ROR1: variants seen among roughly 807,000 people sequenced by gnomAD.
ROR1 encodes ROR family WNT receptor 1.
Under a neutral mutation model 78.8 loss-of-function variants are expected in ROR1, and 19 were observed. That is an observed-to-expected ratio of 0.24 (90% CI 0.17 to 0.35). The LOEUF (loss-of-function observed/expected upper bound fraction) is 0.35. Ranked by LOEUF, ROR1 falls within the 10% of genes least tolerant of loss-of-function variation. The pLI is 1.00. For synonymous variants in ROR1, 386 were observed against 433.6 expected (o/e 0.89, Z 1.36); for missense variants, 917 against 1,177.8 (o/e 0.78, Z 3.24).
intron 7 of ROR1, among the ~76,000 whole-genome samples, chr1:64,148,720 T>C (rs919340956): frequency 6.6e-6 from 1 of 152,198 alleles, no homozygotes; most frequent in African/African-American, 2.4e-5. Context: ...CAATCAAATA[T>C]GGCTGTTGTA....
intron 1 of ROR1, among the ~76,000 whole-genome samples, chr1:63,974,705 G>A (rs1454705489): frequency 1.3e-5 from 2 of 151,812 alleles, no homozygotes; most frequent in Non-Finnish European, 2.9e-5. Context: ...TGGTATGATC[G>A]TAGCCCACTG....
chr1:63,877,714 G>T (rs1645296925), intron 1 of ROR1, among the ~76,000 whole-genome samples: 1 of 152,000 alleles, frequency 6.6e-6, no homozygotes, highest in South Asian at 2.1e-4. Context: ...AAGGGATATT[G>T]ATTTTTAAAG....
intron 7 of ROR1, among the ~76,000 whole-genome samples, chr1:64,148,812 G>T (rs1408416): frequency 0.24 from 37,013 of 151,794 alleles, 5,114 homozygotes; most frequent in East Asian, 0.51. Flanking sequence ...GACAAAAGTT[G>T]GTTTGGGCAA....
intron 1 of ROR1, among the ~76,000 whole-genome samples, chr1:63,914,729 C>T (rs2100420966): frequency 6.6e-6 from 1 of 152,218 alleles, no homozygotes; most frequent in African/African-American, 2.4e-5. Flanking sequence ...CTTCAAGAAC[C>T]AGTTCAGAAG....
chr1:63,952,931 G>A (rs546468331), intron 1 of ROR1, among the ~76,000 whole-genome samples: 29 of 152,258 alleles, frequency 1.9e-4, no homozygotes, highest in African/African-American at 7.0e-4. Flanking sequence ...ACACTGCATA[G>A]CAAACACACT....
chr1:64,028,225 G>A (rs1256448705), intron 2 of ROR1, among the ~76,000 whole-genome samples: 1 of 152,184 alleles, frequency 6.6e-6, no homozygotes, highest in East Asian at 1.9e-4. Flanking sequence ...CACTCAACAA[G>A]CATTTGATGA....
At chr1:63,794,368 A>T (rs1423506730) in intron 1 of ROR1, among the ~76,000 whole-genome samples, 1 of 152,228 alleles carries the variant, frequency 6.6e-6, no homozygotes, top group Non-Finnish European at 1.5e-5. Flanking sequence ...ACCATGTTCC[A>T]GGTGAGGAAC....
At chr1:63,778,157 T>G (rs1430718756) in intron 1 of ROR1, among the ~76,000 whole-genome samples, 2 of 152,146 alleles carry the variant, frequency 1.3e-5, no homozygotes, top group Non-Finnish European at 2.9e-5. Flanking sequence ...TGTTATGAGA[T>G]TGAAGTGAGG....
At position 64,097,156 on chromosome 1, in the gene ROR1, C is replaced by G. The variant is rs1647330061; in HGVS notation, c.483-40213C>G. Among the ~76,000 whole-genome samples the G allele has an allele frequency of 4.0e-5, 6 of 148,432 alleles. No individual in the cohort carries two copies. In the Admixed American group the frequency reaches 4.1e-4, roughly 10 times the overall value. On this transcript the variant is annotated intron_variant, in intron 4 of 8. Coordinates refer to ENST00000371079, the MANE Select transcript of ROR1 (RefSeq NM_005012.4). Reference sequence around the variant, plus strand: ...GCCTCACTGGCCTAAAATTAAGGTTCCTTTTGGAGGCTCAAGGGGAGAATC... The same window carrying G: ...GCCTCACTGGCCTAAAATTAAGGTTGCTTTTGGAGGCTCAAGGGGAGAATC...
intron 2 of ROR1, among the ~76,000 whole-genome samples, chr1:64,026,476 A>C (rs1319740064): frequency 6.6e-6 from 1 of 152,174 alleles, no homozygotes; most frequent in East Asian, 1.9e-4. Flanking sequence ...TATGCTTCTA[A>C]ACTGTGTATG....
chr1:64,142,315 G>T, intron 6 of ROR1, 90 bp from the exon 7 acceptor site: 1 of 1,542,300 alleles, frequency 6.5e-7, no homozygotes, highest in South Asian at 1.2e-5. Context: ...TTAATTACCT[G>T]CCCTCCCCTC....
intron 1 of ROR1, among the ~76,000 whole-genome samples, chr1:63,938,147 GA>G (rs1044667510): frequency 1.3e-5 from 2 of 151,784 alleles, no homozygotes; most frequent in Non-Finnish European, 2.9e-5. Context: ...GAAAATATCA[GA>G]AAAAAAATGT....
At chr1:64,115,398 T>C (rs1034021298) in intron 4 of ROR1, among the ~76,000 whole-genome samples, 1 of 151,862 alleles carries the variant, frequency 6.6e-6, no homozygotes, top group Non-Finnish European at 1.5e-5. Flanking sequence ...AATTTTTATT[T>C]ATTTATTTAT....
intron 1 of ROR1, among the ~76,000 whole-genome samples, chr1:63,909,590 A>G (rs1645553946): frequency 6.6e-6 from 1 of 152,196 alleles, no homozygotes. Flanking sequence ...CAGAAACCTC[A>G]GTCCATCCAG....
At position 63,858,163 on chromosome 1, in the gene ROR1, T is replaced by C. The variant is rs186944001; in HGVS notation, c.91+83655T>C. On this transcript the variant is annotated intron_variant, in intron 1 of 8. Transcript: ENST00000371079. ...GTATCTTTCACTTATCAGCTTTTCC[T>C]TGAAGGTTTAATGTGTGTTCCTTTG... Among the ~76,000 whole-genome samples the C allele has an allele frequency of 5.5e-4, 84 of 152,350 alleles. 1 individual carries two copies. Among genetic ancestry groups the C allele is most frequent in the African/African-American group, 2.0e-3 (83 of 41,580 alleles).
intron 6 of ROR1, 44 bp downstream of exon 6, chr1:64,140,470 C>A: frequency 6.4e-7 from 1 of 1,568,298 alleles, no homozygotes; most frequent in Non-Finnish European, 8.7e-7. Flanking sequence ...TAAGGGTCAG[C>A]AACCTGTTGG....
chr1:63,830,560 T>A (rs1049146342), intron 1 of ROR1, among the ~76,000 whole-genome samples: 2 of 152,070 alleles, frequency 1.3e-5, no homozygotes, highest in Non-Finnish European at 2.9e-5. Flanking sequence ...GAGAACAGCA[T>A]GGGGGAAAGC....
intron 4 of ROR1, among the ~76,000 whole-genome samples, chr1:64,102,266 G>A (rs1364711503): frequency 2.6e-5 from 4 of 152,124 alleles, no homozygotes; most frequent in Non-Finnish European, 5.9e-5. Flanking sequence ...CTGTTTGTGC[G>A]GTTTTTACAT....
chr1:63,964,799 G>A (rs936643698), intron 1 of ROR1, among the ~76,000 whole-genome samples: 2 of 152,222 alleles, frequency 1.3e-5, no homozygotes, highest in Admixed American at 6.5e-5. Context: ...TTCTGGATGT[G>A]TGCTGTCACA....
Sources: gnomAD v4.1 joint callset for allele counts (sites outside exome capture counted in the v4.1 genomes callset) on GRCh38, gnomAD v4.1.1 for gene constraint, MANE v1.5 for transcripts, NCBI Gene and HGNC (gene_info 2026-07-23, HGNC 2026-07-21) for gene names.